Variants in FREM2 observed in about 807,000 individuals in gnomAD.
The protein encoded by FREM2 is FRAS1-related extracellular matrix protein 2.
FREM2 carries 119 observed loss-of-function variants against 219.9 expected under a neutral mutation model. That is an observed-to-expected ratio of 0.54 (90% CI 0.47 to 0.63). FREM2 has a LOEUF of 0.63. FREM2 is among the 30% of genes least tolerant of loss of function. FREM2 has a pLI of 0.00. For missense variants in FREM2, 4,030 were observed against 3,993.6 expected, an observed-to-expected ratio of 1.01 and a Z score of -0.25; for synonymous variants, 1,562 against 1,522.8, an observed-to-expected ratio of 1.03 and a Z score of -0.60.
chr13:38,754,895 G>GATT (rs1246110589), intron 2 of FREM2, among the ~76,000 whole-genome samples: 3,811 of 99,544 alleles, frequency 0.038, 71 homozygotes, highest in African/African-American at 0.042. Flanking sequence ...TGATGATGAT[G>GATT]ATGATGATTA....
In FREM2 at chr13:38,769,740, C is replaced by T. The variant is rs1950143331; in HGVS notation, c.5573C>T (p.Ser1858Leu). 2.5e-6 allele frequency: 4 copies of T among 1,614,148 alleles called. No individual in the cohort carries two copies. Among genetic ancestry groups the T allele is most frequent in the Non-Finnish European group, 3.4e-6 (4 of 1,180,006 alleles). The change falls in exon 4 of 24, where the codon TCA (serine) becomes TTA (leucine). Residue 1858 changes from serine to leucine, a missense_variant. Coordinates refer to ENST00000280481, the MANE Select transcript of FREM2 (RefSeq NM_207361.6). Reference protein sequence around the residue: ...EQSETFQVVLSEPVLAALEFP... With the variant: ...EQSETFQVVLLEPVLAALEFP... ...TCTGAAACCTTTCAGGTGGTACTCT[C>T]AGAGCCCGTGCTGGCTGCCTTGGAA...
intron 2 of FREM2, among the ~76,000 whole-genome samples, chr13:38,749,062 C>G (rs373631270): frequency 1.1e-4 from 17 of 152,090 alleles, no homozygotes; most frequent in African/African-American, 2.9e-4. Context: ...CCTTAGGAAG[C>G]CTTTCTATTT....
At chr13:38,827,829 ACC>A (rs1876353539) in intron 6 of FREM2, among the ~76,000 whole-genome samples, 1 of 152,132 alleles carries the variant, frequency 6.6e-6, no homozygotes, top group Admixed American at 6.6e-5. Context: ...GTAGAGTTGA[ACC>A]TGTTAAAGAG....
At chr13:38,750,462 T>TC (rs34405216) in intron 2 of FREM2, among the ~76,000 whole-genome samples, 136,873 of 152,218 alleles carry the variant, frequency 0.9, 61,661 homozygotes, top group African/African-American at 0.95. Flanking sequence ...AAGAGTTCAT[T>TC]TTTTTTATGG....
At position 38,880,330 on chromosome 13, in the gene FREM2, G is replaced by A; in HGVS notation, c.9053G>A (p.Arg3018Lys). 1 of 1,614,048 alleles carries A rather than the reference G, an allele frequency of 6.2e-7. No individual in the cohort carries two copies. The highest frequency in any genetic ancestry group is 2.2e-5 in the East Asian group (1 of 44,870). The part of the protein sequence containing the change: ...EWYIHTIYTV[R>K]SKDNANRGIG... Reference sequence around the variant, plus strand: ...TATATACATACGATCTATACAGTGAGATCGAAAGACAATGCCAATCGAGGT... The same window carrying A: ...TATATACATACGATCTATACAGTGAAATCGAAAGACAATGCCAATCGAGGT... The change falls in exon 24 of 24, where the codon AGA becomes AAA. Residue 3018 changes from arginine to lysine, a missense_variant. Around this residue, in one of 2 missense-constraint regions of FREM2, gnomAD observed 928 missense variants for 1,042.9 expected, o/e 0.89. Coordinates refer to ENST00000280481, the MANE Select transcript of FREM2 (RefSeq NM_207361.6).
At chr13:38,791,042 A>G (rs926880170) in intron 6 of FREM2, among the ~76,000 whole-genome samples, 14 of 152,196 alleles carry the variant, frequency 9.2e-5, no homozygotes, top group African/African-American at 3.4e-4. Flanking sequence ...CAAAGCAGGA[A>G]AAATTGGGCG....
chr13:38,752,512 A>C (rs1264696155), intron 2 of FREM2, among the ~76,000 whole-genome samples: 2 of 152,178 alleles, frequency 1.3e-5, no homozygotes, highest in East Asian at 1.9e-4. Flanking sequence ...ACAGTATTTT[A>C]ATTCATAGAA....
intron 18 of FREM2, among the ~76,000 whole-genome samples, chr13:38,875,000 C>T (rs1168191178): frequency 6.6e-6 from 1 of 152,094 alleles, no homozygotes; most frequent in Non-Finnish European, 1.5e-5. Context: ...TTAATAGGGT[C>T]AGAGGAGGTA....
Position 38,692,384 on chromosome 13 carries a change from A to T in FREM2, c.5040A>T (p.Thr1680=). The T allele has an allele frequency of 6.2e-7, 1 of 1,609,290 alleles. No homozygotes were observed. Among genetic ancestry groups the T allele is most frequent in the South Asian group, 1.1e-5 (1 of 90,712 alleles). Residue 1680 remains threonine (T), a synonymous_variant, in exon 1 of 24, where the codon ACA becomes ACT. Coordinates refer to ENST00000280481, the MANE Select transcript of FREM2 (RefSeq NM_207361.6). ...LATGHLGFMI[T]SKILKVEDRD... ...CTGGCCACTTGGGGTTCATGATCAC[A>T]AGCAAAATATTGAAAGTGGAGGACA...
chr13:38,856,311 G>T, intron 12 of FREM2, 55 bp downstream of exon 12: 1 of 1,511,662 alleles, frequency 6.6e-7, no homozygotes, highest in Non-Finnish European at 9.2e-7. Flanking sequence ...CAGAGGAAAT[G>T]CATAAAAGCA....
At chr13:38,770,515 A>G (rs1426310606) in intron 4 of FREM2, among the ~76,000 whole-genome samples, 1 of 152,172 alleles carries the variant, frequency 6.6e-6, no homozygotes, top group East Asian at 1.9e-4. Flanking sequence ...CATATCTTTG[A>G]AACAAACGGT....
At chr13:38,797,003 A>G (rs758997630) in intron 6 of FREM2, among the ~76,000 whole-genome samples, 2 of 151,862 alleles carry the variant, frequency 1.3e-5, no homozygotes, top group Non-Finnish European at 2.9e-5. Context: ...CAGCCTCCAG[A>G]GTAGTTAGGA....
At chr13:38,785,783 A>G (rs918561451) in intron 6 of FREM2, among the ~76,000 whole-genome samples, 2 of 152,108 alleles carry the variant, frequency 1.3e-5, no homozygotes, top group Non-Finnish European at 2.9e-5. Flanking sequence ...GGTTTATTGG[A>G]TCTTTGTATT....
At chr13:38,829,107 C>T (rs1876410111) in intron 6 of FREM2, among the ~76,000 whole-genome samples, 1 of 152,118 alleles carries the variant, frequency 6.6e-6, no homozygotes, top group Non-Finnish European at 1.5e-5. Flanking sequence ...GTCATAATCC[C>T]TAATTTTACA....
At chr13:38,702,993 A>G (rs1443399236) in intron 2 of FREM2, among the ~76,000 whole-genome samples, 1 of 152,162 alleles carries the variant, frequency 6.6e-6, no homozygotes, top group Non-Finnish European at 1.5e-5. Context: ...GTATCTTGAC[A>G]TAGTAGAAGC....
intron 6 of FREM2, among the ~76,000 whole-genome samples, chr13:38,817,688 A>G (rs1205377497): frequency 6.6e-6 from 1 of 152,150 alleles, no homozygotes. Context: ...ATAGTCAACA[A>G]AAGGAAAAAT....
In FREM2 at chr13:38,874,556, T is replaced by C; in HGVS notation, c.8251T>C (p.Phe2751Leu). 6.2e-7 allele frequency: 1 copy of C among 1,614,140 alleles called. No individual in the cohort carries two copies. The highest frequency in any genetic ancestry group is 8.5e-7 in the Non-Finnish European group (1 of 1,179,954). The change falls in exon 18 of 24, where the codon TTC becomes CTC. Residue 2751 changes from phenylalanine (F) to leucine (L), a missense_variant. By Grantham distance (22) the Phe-to-Leu change is conservative (BLOSUM62 0). Transcript: ENST00000280481. The stretch of plus-strand genomic sequence containing the variant: ...CGTGCACTTCAAGACAGAGGCTCAG[T>C]TCCATGGCTTATTTGTGCTGTCACA... ...LAVHFKTEAQ[F>L]HGLFVLSHPA...
chr13:38,835,126 A>G (rs530272311), intron 6 of FREM2, among the ~76,000 whole-genome samples: 1 of 152,306 alleles, frequency 6.6e-6, no homozygotes, highest in East Asian at 1.9e-4. Context: ...ATTTTTGTAT[A>G]AGCTGTAAGG....
chr13:38,877,338 CTT>C, intron 21 of FREM2, 95 bp downstream of exon 21: 1 of 1,356,332 alleles, frequency 7.4e-7, no homozygotes, highest in South Asian at 1.2e-5. Context: ...CAAATTATAG[CTT>C]TTTTTATGGT....
Sources: allele counts gnomAD v4.1 joint callset (sites outside exome capture counted in the v4.1 genomes callset), GRCh38; gene constraint gnomAD v4.1.1; regional missense constraint gnomAD v4.1.1; transcripts MANE v1.5; gene names NCBI Gene and HGNC (gene_info 2026-07-23, HGNC 2026-07-21).